The following ZC3H3 variants were observed in gnomAD, a reference collection of about 807,000 sequenced individuals.
ZC3H3 encodes zinc finger CCCH domain-containing protein 3.
ZC3H3 carries 36 observed loss-of-function variants against 77.3 expected under a neutral mutation model. The observed-to-expected ratio is 0.47, with a 90% CI of 0.36 to 0.61. The LOEUF (loss-of-function observed/expected upper bound fraction) is 0.61, where lower values mean the gene tolerates loss of function less well. Among genes scored for constraint, ZC3H3 ranks in the 20% least tolerant of loss-of-function variants. ZC3H3 has a pLI of 0.00. For synonymous variants in ZC3H3, 626 were observed against 555.2 expected, an observed-to-expected ratio of 1.13 and a Z score of -1.79; for missense variants, 1,331 against 1,312.2, an observed-to-expected ratio of 1.01 and a Z score of -0.22.
chr8:143,446,798 T>C (rs545304340), intron 9 of ZC3H3, among the ~76,000 whole-genome samples: 1 of 152,398 alleles, frequency 6.6e-6, no homozygotes, highest in South Asian at 2.1e-4. Context: ...GGCCATGCAC[T>C]GAGGCACTGC....
intron 4 of ZC3H3, among the ~76,000 whole-genome samples, chr8:143,492,226 C>T (rs1319979285): frequency 6.6e-6 from 1 of 152,152 alleles, no homozygotes; most frequent in Non-Finnish European, 1.5e-5. Context: ...AGTGTGCTGG[C>T]CTTGGAGGCC....
At chr8:143,532,722 C>G (rs958168946) in intron 3 of ZC3H3, among the ~76,000 whole-genome samples, 2 of 152,254 alleles carry the variant, frequency 1.3e-5, no homozygotes, top group Admixed American at 1.3e-4. Context: ...GACAGGCAGG[C>G]CTCAGTTCCT....
At chr8:143,540,400 A>T (rs1382301450) in intron 1 of ZC3H3, among the ~76,000 whole-genome samples, 1 of 152,080 alleles carries the variant, frequency 6.6e-6, no homozygotes, top group Non-Finnish European at 1.5e-5. Context: ...CTCACTTTTT[A>T]AAATTTTTCT....
In ZC3H3 at chr8:143,462,470, A is replaced by G. The variant is rs377194109; in HGVS notation, c.2307+3247T>C. On this transcript the variant is annotated intron_variant, in intron 9 of 11. Coordinates refer to ENST00000262577, the MANE Select transcript of ZC3H3 (RefSeq NM_015117.3). The surrounding 1 kb of genome is among the most constrained non-coding windows in gnomAD (Gnocchi z 4.7). ...GCACTGGCGAAAGCAAGGCACCAACAGAGAAGCGCTGTATGTGAACAAAAC... is the reference window on the plus strand; with the variant it reads ...GCACTGGCGAAAGCAAGGCACCAACGGAGAAGCGCTGTATGTGAACAAAAC... Among the ~76,000 whole-genome samples, 17 of 152,370 alleles carry G rather than the reference A, an allele frequency of 1.1e-4. No homozygotes were observed. The highest frequency in any genetic ancestry group is 4.1e-4 in the African/African-American group (17 of 41,578).
At chr8:143,507,582 GAC>G (rs1263240146) in intron 4 of ZC3H3, among the ~76,000 whole-genome samples, 162 bp downstream of exon 4, 1 of 152,260 alleles carries the variant, frequency 6.6e-6, no homozygotes, top group Non-Finnish European at 1.5e-5. Context: ...AATTGCTAAA[GAC>G]ACAGAAAAAT....
chr8:143,504,869 G>C (rs1408832728), intron 4 of ZC3H3, among the ~76,000 whole-genome samples: 1 of 152,188 alleles, frequency 6.6e-6, no homozygotes, highest in East Asian at 1.9e-4. Flanking sequence ...CCATCTCCCA[G>C]GAGCTGGCAG....
intron 9 of ZC3H3, among the ~76,000 whole-genome samples, chr8:143,455,822 A>T (rs1366374409): frequency 6.6e-6 from 1 of 151,718 alleles, no homozygotes; most frequent in African/African-American, 2.4e-5. Context: ...AAAACATAAA[A>T]ATTAGTCAGG....
rs58326277 is a variant in ZC3H3 at position 143,457,371 on chromosome 8, CTT to C, written c.2307+8344_2307+8345del. 4.4e-3 allele frequency among the ~76,000 whole-genome samples: 663 copies of C among 152,234 alleles called. 3 individuals carry two copies. Among genetic ancestry groups the C allele is most frequent in the African/African-American group, 0.015 (626 of 41,546 alleles). On this transcript the variant is annotated intron_variant, in intron 9 of 11. Transcript: ENST00000262577. The stretch of plus-strand genomic sequence containing the variant: ...TGGTTTCTCTTCAGATCATATGACT[CTT>C]ATGCCTTTTACTAAATAATCCATAG...
At chr8:143,503,609 C>T (rs1302843441) in intron 4 of ZC3H3, among the ~76,000 whole-genome samples, 1 of 148,032 alleles carries the variant, frequency 6.8e-6, no homozygotes, top group Non-Finnish European at 1.5e-5. Context: ...CCCCCAGCAC[C>T]CAGCCGGCTC....
intron 5 of ZC3H3, among the ~76,000 whole-genome samples, chr8:143,469,893 A>C (rs930186127): frequency 6.6e-6 from 1 of 152,200 alleles, no homozygotes; most frequent in Non-Finnish European, 1.5e-5. Flanking sequence ...TGGACACTGC[A>C]GTTAAGAGGC....
At chr8:143,456,790 C>A (rs1267346922) in intron 9 of ZC3H3, among the ~76,000 whole-genome samples, 1 of 152,110 alleles carries the variant, frequency 6.6e-6, no homozygotes, top group East Asian at 1.9e-4. Context: ...ATCGCTGGAG[C>A]TCAGGAGTTT....
At chr8:143,474,859 C>T (rs1214576430) in intron 5 of ZC3H3, among the ~76,000 whole-genome samples, 1 of 152,254 alleles carries the variant, frequency 6.6e-6, no homozygotes, top group Non-Finnish European at 1.5e-5. Flanking sequence ...CGCAAGGTGG[C>T]GGCGCCGGCT....
rs1045923253 is a variant in ZC3H3, at chr8:143,530,135, C to G, written c.1561+6122G>C. Among the ~76,000 whole-genome samples, 1 of 152,186 alleles carries G rather than the reference C, an allele frequency of 6.6e-6. No individual in the cohort carries two copies. The highest frequency in any genetic ancestry group is 1.5e-5 in the Non-Finnish European group (1 of 68,026). On this transcript the variant is annotated intron_variant, in intron 3 of 11. Coordinates refer to ENST00000262577, the MANE Select transcript of ZC3H3 (RefSeq NM_015117.3). The surrounding 1 kb of genome is among the most constrained non-coding windows in gnomAD (Gnocchi z 4.3). ...GGCCTGGCTCCTGTCAAAGCCTGGG[C>G]AGCCGGCAGGCCTCGACCCAGCCTG... is the stretch of plus-strand genomic sequence containing the variant.
In ZC3H3 at chr8:143,468,404, C is replaced by T. The variant is rs755582447; in HGVS notation, c.2083G>A (p.Glu695Lys). 18 of 1,612,470 alleles carry T rather than the reference C, an allele frequency of 1.1e-5. No individual in the cohort carries two copies. In the South Asian group the frequency reaches 1.2e-4, roughly 11 times the overall value. The part of the protein sequence containing the change: ...GERCPYIHDP[E>K]KVAVCTRFVR... ...CACCTGGTGCACACGGCCACCTTCTCGGGATCGTGGATGTAGGGGCAGCGC... is the reference window on the plus strand; with the variant it reads ...CACCTGGTGCACACGGCCACCTTCTTGGGATCGTGGATGTAGGGGCAGCGC... The change falls in exon 7 of 12, where the codon GAG (glutamate) becomes AAG (lysine). Residue 695 changes from glutamate to lysine, a missense_variant. Around this residue, in one of 3 missense-constraint regions of ZC3H3, gnomAD observed 104 missense variants for 159.7 expected, o/e 0.65. Transcript: ENST00000262577.
chr8:143,521,046 A>T (rs1344008452), intron 3 of ZC3H3, among the ~76,000 whole-genome samples: 1 of 152,144 alleles, frequency 6.6e-6, no homozygotes, highest in Non-Finnish European at 1.5e-5. Flanking sequence ...TCAGCTGCAA[A>T]CAGCTGGCCT....
intron 5 of ZC3H3, among the ~76,000 whole-genome samples, chr8:143,474,277 C>T (rs1189693839): frequency 1.3e-5 from 2 of 150,900 alleles, no homozygotes; most frequent in African/African-American, 4.9e-5. Flanking sequence ...ACAGGGGTGA[C>T]ACAGTGCCGA....
intron 3 of ZC3H3, among the ~76,000 whole-genome samples, chr8:143,514,792 G>A (rs1821980442): frequency 6.6e-6 from 1 of 152,262 alleles, no homozygotes; most frequent in Admixed American, 6.5e-5. Context: ...ACCTGGTGCA[G>A]TGAGGGGCTG....
intron 9 of ZC3H3, among the ~76,000 whole-genome samples, chr8:143,456,911 T>A (rs1820137911): frequency 6.6e-6 from 1 of 152,136 alleles, no homozygotes; most frequent in Admixed American, 6.6e-5. Context: ...GCACAGCAAT[T>A]CTAATGTAAA....
intron 4 of ZC3H3, among the ~76,000 whole-genome samples, chr8:143,489,840 G>A (rs1334361933): frequency 3.9e-5 from 6 of 152,186 alleles, no homozygotes; most frequent in East Asian, 3.9e-4. Flanking sequence ...ACGTCCAACC[G>A]CAAATTAAAC....
Sources: gnomAD v4.1 joint callset for allele counts (sites outside exome capture counted in the v4.1 genomes callset) on GRCh38, gnomAD v4.1.1 for gene constraint, gnomAD v4.1.1 regional missense constraint, Gnocchi (gnomAD v3.1) non-coding constraint, MANE v1.5 for transcripts, NCBI Gene and HGNC (gene_info 2026-07-23, HGNC 2026-07-21) for gene names.